Variants in BPIFC observed in about 807,000 individuals in gnomAD.
The protein encoded by BPIFC is BPI fold containing family C.
BPIFC carries 60 observed loss-of-function variants against 57.6 expected under a neutral mutation model. The ratio of observed to expected loss-of-function variants is 1.04; its 90% CI spans 0.85 to 1.29. The LOEUF is 1.29. Ranked by LOEUF, BPIFC falls within the 50% of genes most tolerant of loss-of-function variation. The pLI is 0.00. For missense variants in BPIFC, 581 were observed against 600.5 expected, an observed-to-expected ratio of 0.97 and a Z score of 0.34; for synonymous variants, 243 against 224.5, an observed-to-expected ratio of 1.08 and a Z score of -0.74.
At chr22:32,432,231 C>T in intron 12 of BPIFC, 142 bp downstream of exon 12, 11 of 872,036 alleles carry the variant, frequency 1.3e-5, no homozygotes, top group East Asian at 2.7e-5. Flanking sequence ...TAGGCATGAG[C>T]CATCACGTCC....
chr22:32,422,188 C>G (rs1424998198), intron 13 of BPIFC, among the ~76,000 whole-genome samples: 2 of 152,182 alleles, frequency 1.3e-5, no homozygotes. Context: ...ATAAAGATCA[C>G]TCTGGCTGCA....
intron 13 of BPIFC, among the ~76,000 whole-genome samples, chr22:32,430,677 A>G (rs962419131): frequency 6.6e-6 from 1 of 151,532 alleles, no homozygotes; most frequent in African/African-American, 2.4e-5. Flanking sequence ...GTCTCATTCT[A>G]TTGCTCAGGT....
intron 13 of BPIFC, among the ~76,000 whole-genome samples, chr22:32,430,794 C>G (rs1934218048): frequency 1.3e-5 from 2 of 151,670 alleles, no homozygotes; most frequent in Non-Finnish European, 2.9e-5. Flanking sequence ...CGGTGCACAC[C>G]ACGCCTAGCT....
At chr22:32,457,697 T>C (rs750773449) in intron 2 of BPIFC, among the ~76,000 whole-genome samples, 12 of 152,188 alleles carry the variant, frequency 7.9e-5, no homozygotes, top group Non-Finnish European at 1.5e-4. Flanking sequence ...GACCTACACA[T>C]GGCCCCTGAC....
chr22:32,424,602 TCCTCC>T lies in BPIFC; in HGVS notation c.1218-5203_1218-5199del, dbSNP rs1569447845. Among the ~76,000 whole-genome samples the T allele has an allele frequency of 3.3e-4, 22 of 65,724 alleles. 5 individuals carry two copies. Among genetic ancestry groups the T allele is most frequent in the African/African-American group, 1.3e-3 (11 of 8,606 alleles). The allele number at this position is 65,724 out of a possible 152,430, so 43.1% of individuals were successfully genotyped here. On this transcript the variant is annotated intron_variant, in intron 13 of 16. Transcript: ENST00000300399. ...CTTCTTCTTCTTCTTCTTCTTCTTC[TCCTCC>T]TCCTCCTCCTCCTCCTCCTCCTCTT...
chr22:32,442,771 T>G, intron 7 of BPIFC, 40 bp from the exon 8 acceptor site: 4 of 1,586,474 alleles, frequency 2.5e-6, no homozygotes, highest in Non-Finnish European at 2.6e-6. Flanking sequence ...CAAGTTACCA[T>G]GTTGTACTGG....
At position 32,432,531 on chromosome 22, in the gene BPIFC, AG is replaced by A. The variant is rs1233550609; in HGVS notation, c.990del (p.Tyr331ThrfsTer9). 1.2e-6 allele frequency: 2 copies of A among 1,614,086 alleles called. No homozygotes were observed. The highest frequency in any genetic ancestry group is 4.5e-5 in the East Asian group (2 of 44,886). ...ACCATGAAGGGCTGGGACAAGATGT[AG>A]ATCTCTGCAATCTGCCCACATTCCG... ...LGNVLSRIAE[I>X]YILSQPFMVR... On this transcript the variant is annotated frameshift_variant, in exon 12 of 17. Coordinates refer to ENST00000300399, the MANE Select transcript of BPIFC (RefSeq NM_174932.3). LOFTEE classifies it high-confidence loss of function.
chr22:32,460,257 C>G (rs73404940), intron 2 of BPIFC, among the ~76,000 whole-genome samples: 23,791 of 152,064 alleles, frequency 0.16, 1,980 homozygotes, highest in South Asian at 0.23. Flanking sequence ...CAAAGTGGAG[C>G]CAGTGGAAAG....
At chr22:32,440,621 T>C (rs1260160363) in intron 8 of BPIFC, among the ~76,000 whole-genome samples, 1 of 152,186 alleles carries the variant, frequency 6.6e-6, no homozygotes, top group Non-Finnish European at 1.5e-5. Context: ...GCTACAAACT[T>C]GTTCTTAGGT....
At chr22:32,455,931 T>C (rs553108487) in intron 3 of BPIFC, among the ~76,000 whole-genome samples, 128 of 152,352 alleles carry the variant, frequency 8.4e-4, no homozygotes, top group Non-Finnish European at 1.5e-3. Flanking sequence ...GGTGGGATTA[T>C]AGCCCATGGA....
Position 32,413,882 on chromosome 22 carries a change from A to G in BPIFC, c.*421T>C, listed in dbSNP as rs1250643584. 6.6e-6 allele frequency: 1 copy of G among 152,530 alleles called. No individual in the cohort carries two copies. Among genetic ancestry groups the G allele is most frequent in the African/African-American group, 2.4e-5 (1 of 41,468 alleles). 9.4% of individuals were successfully genotyped at this position (152,530 alleles called of 1,614,324 possible). ...GAAAACAATTTTAATTAAACACAGA[A>G]GATAGTAACAGTGAATATAAAACAT... On this transcript the variant is annotated 3_prime_UTR_variant, in exon 17 of 17. Transcript: ENST00000300399.
At chr22:32,424,022 T>A (rs1933926629) in intron 13 of BPIFC, among the ~76,000 whole-genome samples, 1 of 148,570 alleles carries the variant, frequency 6.7e-6, no homozygotes, top group Non-Finnish European at 1.5e-5. Flanking sequence ...CAAAATTTGA[T>A]CTTAGAATGG....
chr22:32,455,363 AT>A (rs1323699188), intron 3 of BPIFC, among the ~76,000 whole-genome samples: 1 of 152,164 alleles, frequency 6.6e-6, no homozygotes, highest in Non-Finnish European at 1.5e-5. Context: ...ATTTAAAAAA[AT>A]ATCTTGCAGA....
intron 3 of BPIFC, among the ~76,000 whole-genome samples, chr22:32,454,936 T>C (rs1934996099): frequency 6.6e-6 from 1 of 152,146 alleles, no homozygotes; most frequent in South Asian, 2.1e-4. Context: ...AGCTGATACT[T>C]GTTGGGCCAT....
intron 8 of BPIFC, among the ~76,000 whole-genome samples, chr22:32,440,278 G>A (rs958541892): frequency 4.0e-5 from 6 of 151,682 alleles, no homozygotes; most frequent in African/African-American, 1.5e-4. Flanking sequence ...GGGACTAAAG[G>A]CGCACGCCAC....
At chr22:32,432,678 A>C in intron 11 of BPIFC, 135 bp from the exon 12 acceptor site, 1 of 810,854 alleles carries the variant, frequency 1.2e-6, no homozygotes, top group Non-Finnish European at 1.9e-6. Flanking sequence ...TTTAATAATC[A>C]TAATTACACA....
intron 4 of BPIFC, among the ~76,000 whole-genome samples, chr22:32,447,654 G>T (rs2145953818): frequency 1.4e-5 from 2 of 140,692 alleles, no homozygotes; most frequent in South Asian, 2.2e-4. Context: ...CTCCCAGGTT[G>T]GAGTGCAGTG....
At chr22:32,461,483 G>T in intron 2 of BPIFC, 91 bp downstream of exon 2, 1 of 632,278 alleles carries the variant, frequency 1.6e-6, no homozygotes, top group Non-Finnish European at 2.0e-6. Flanking sequence ...AGGAAATGTG[G>T]TGAGTGGGAT....
chr22:32,424,316 G>C (rs966266609), intron 13 of BPIFC, among the ~76,000 whole-genome samples: 2 of 152,172 alleles, frequency 1.3e-5, no homozygotes, highest in Non-Finnish European at 2.9e-5. Flanking sequence ...GAGTTCAAGT[G>C]TATTATTAGA....
Sources: allele counts gnomAD v4.1 joint callset (sites outside exome capture counted in the v4.1 genomes callset), GRCh38; gene constraint gnomAD v4.1.1; transcripts MANE v1.5; gene names NCBI Gene and HGNC (gene_info 2026-07-23, HGNC 2026-07-21).